The following GRIN2B variants were observed in gnomAD, a reference collection of about 807,000 sequenced individuals.
GRIN2B encodes glutamate ionotropic receptor NMDA type subunit 2B, also known as glutamate receptor ionotropic, NMDA 2B.
In GRIN2B, 5 loss-of-function variants were observed where a neutral mutation model predicts 114.5. The ratio of observed to expected loss-of-function variants is 0.04; its 90% confidence interval spans 0.02 to 0.09. GRIN2B has a LOEUF of 0.09. Ranked by LOEUF, GRIN2B falls within the 10% of genes least tolerant of loss-of-function variation. The pLI is 1.00. For missense variants in GRIN2B, 1,108 were observed against 1,943.5 expected, an observed-to-expected ratio of 0.57 and a Z score of 8.08; for synonymous variants, 787 against 745.1, an observed-to-expected ratio of 1.06 and a Z score of -0.92.
chr12:13,872,062 C>A, intron 2 of GRIN2B, among the ~76,000 whole-genome samples: 1 of 150,938 alleles, frequency 6.6e-6, no homozygotes. Flanking sequence ...TTAAGTATAT[C>A]AAACTTTTAA....
intron 4 of GRIN2B, among the ~76,000 whole-genome samples, chr12:13,729,983 ATTT>A (rs5796557): frequency 1.2e-4 from 17 of 142,450 alleles, no homozygotes; most frequent in Admixed American, 2.1e-4. Context: ...ATATACACCT[ATTT>A]TTTTTTTTTT....
chr12:13,687,152 T>C (rs968917383), intron 4 of GRIN2B, among the ~76,000 whole-genome samples: 2 of 152,278 alleles, frequency 1.3e-5, no homozygotes, highest in East Asian at 1.9e-4. Context: ...CTTTTTCCTT[T>C]ACAAATTACC....
intron 8 of GRIN2B, among the ~76,000 whole-genome samples, chr12:13,612,363 C>T (rs927676801): frequency 6.6e-6 from 1 of 152,208 alleles, no homozygotes; most frequent in Non-Finnish European, 1.5e-5. Flanking sequence ...GCCCCCTTTT[C>T]CCCTTGTATC....
chr12:13,712,307 C>G (rs1950421997), intron 4 of GRIN2B, among the ~76,000 whole-genome samples: 1 of 151,746 alleles, frequency 6.6e-6, no homozygotes. Flanking sequence ...TGCGGCACAC[C>G]AACATGGCAC....
rs1342008451 is a variant in GRIN2B, at chr12:13,540,106, T to A, written c.*22677A>T. 1 of 152,160 alleles carries A rather than the reference T, an allele frequency of 6.6e-6. No individual in the cohort carries two copies. Among genetic ancestry groups the A allele is most frequent in the Non-Finnish European group, 1.5e-5 (1 of 68,042 alleles). The allele number at this position is 152,160 out of a possible 1,614,324, so 9.4% of individuals were successfully genotyped here. On this transcript the variant is annotated 3_prime_UTR_variant, in exon 14 of 14. Transcript: ENST00000609686. ...ATCCCAACCCAAGTAGATTCGCCAG[T>A]CCAAGACTCCTACCAACAATTGGAA...
At chr12:13,593,549 G>A (rs1321024189) in intron 10 of GRIN2B, among the ~76,000 whole-genome samples, 1 of 152,150 alleles carries the variant, frequency 6.6e-6, no homozygotes. Context: ...ATTAACTCAA[G>A]ATGGCTTAAT....
At chr12:13,709,716 A>C (rs901330347) in intron 4 of GRIN2B, among the ~76,000 whole-genome samples, 1 of 151,928 alleles carries the variant, frequency 6.6e-6, no homozygotes, top group South Asian at 2.1e-4. Flanking sequence ...CCAGCTCTAA[A>C]ACGAAGTCCC....
At chr12:13,666,238 TG>T (rs1949974176) in intron 5 of GRIN2B, among the ~76,000 whole-genome samples, 1 of 152,178 alleles carries the variant, frequency 6.6e-6, no homozygotes, top group African/African-American at 2.4e-5. Flanking sequence ...ACCATTCCCC[TG>T]GCACAGATTT....
Position 13,954,865 on chromosome 12 carries a change from G to A in GRIN2B, c.-19+25063C>T, listed in dbSNP as rs73303055. Among the ~76,000 whole-genome samples, 577 of 118,016 alleles carry A rather than the reference G, an allele frequency of 4.9e-3. 8 individuals are homozygous for A. Among genetic ancestry groups the A allele is most frequent in the African/African-American group, 0.016 (521 of 33,066 alleles). The allele number at this position is 118,016 out of a possible 152,430, so 77.4% of individuals were successfully genotyped here. A position where few individuals can be genotyped will look rare whatever the true frequency, so the allele number is the denominator to read the frequency against. On this transcript the variant is annotated intron_variant, in intron 2 of 13. Coordinates refer to ENST00000609686, the MANE Select transcript of GRIN2B (RefSeq NM_000834.5). The stretch of plus-strand genomic sequence containing the variant: ...TTTGAAGGGACAAAAAAAATCTTAT[G>A]ACACAAAAGGAACATAATTTGTTGC...
chr12:13,735,313 G>A (rs982430031), intron 4 of GRIN2B, among the ~76,000 whole-genome samples: 1 of 152,208 alleles, frequency 6.6e-6, no homozygotes, highest in African/African-American at 2.4e-5. Flanking sequence ...CAGACATGAA[G>A]GTGATAGGTT....
chr12:13,741,033 TATTTA>T (rs1863274820), intron 4 of GRIN2B, among the ~76,000 whole-genome samples: 1 of 152,094 alleles, frequency 6.6e-6, no homozygotes, highest in Non-Finnish European at 1.5e-5. Flanking sequence ...GAAAGTAAAC[TATTTA>T]TTTATTTTAT....
intron 5 of GRIN2B, among the ~76,000 whole-genome samples, chr12:13,642,483 CAAG>C (rs914264152): frequency 6.6e-6 from 1 of 152,040 alleles, no homozygotes; most frequent in African/African-American, 2.4e-5. Context: ...CTTCCAGATC[CAAG>C]AAGCTATGAC....
chr12:13,976,477 C>T (rs919488540), intron 2 of GRIN2B, among the ~76,000 whole-genome samples: 4 of 152,166 alleles, frequency 2.6e-5, no homozygotes, highest in African/African-American at 7.2e-5. Flanking sequence ...CAACAAAATA[C>T]ACAAGATGAG....
chr12:13,969,960 C>A (rs1895055), intron 2 of GRIN2B, among the ~76,000 whole-genome samples: 61,334 of 152,074 alleles, frequency 0.4, 12,833 homozygotes, highest in East Asian at 0.58. Flanking sequence ...TCAAGCAATT[C>A]TCCTGCCTCA....
rs149185580 is a variant in GRIN2B, at chr12:13,656,485, A to G, written c.1125+19260T>C. Among the ~76,000 whole-genome samples, 15 of 152,368 alleles carry G rather than the reference A, an allele frequency of 9.8e-5. 1 individual carries two copies. In the East Asian group the frequency reaches 2.7e-3, roughly 27 times the overall value. On this transcript the variant is annotated intron_variant, in intron 5 of 13. Coordinates refer to ENST00000609686, the MANE Select transcript of GRIN2B (RefSeq NM_000834.5). Reference sequence around the variant, plus strand: ...AAGGAGACACAAATAAGTCAACTGCACAAAGCAAAGAGAGTCAAAGGTCTT... The same window carrying G: ...AAGGAGACACAAATAAGTCAACTGCGCAAAGCAAAGAGAGTCAAAGGTCTT...
chr12:13,927,966 CAA>C (rs57736516), intron 2 of GRIN2B, among the ~76,000 whole-genome samples: 1,279 of 37,642 alleles, frequency 0.034, 58 homozygotes, highest in African/African-American at 0.11. Context: ...GACCCTGTCT[CAA>C]AAAAAAAAAA....
chr12:13,696,902 C>T (rs10772701), intron 4 of GRIN2B, among the ~76,000 whole-genome samples: 47,946 of 152,020 alleles, frequency 0.32, 8,380 homozygotes, highest in East Asian at 0.66. Flanking sequence ...AGAGCTCCTA[C>T]CATGAAGCAG....
intron 2 of GRIN2B, among the ~76,000 whole-genome samples, chr12:13,970,686 A>AACACACAC (rs5796570): frequency 0.061 from 8,912 of 145,052 alleles, 373 homozygotes; most frequent in African/African-American, 0.1. Flanking sequence ...GCAGGCTCTA[A>AACACACAC]ACACACACAC....
chr12:13,578,150 C>G (rs1206647422), intron 10 of GRIN2B, among the ~76,000 whole-genome samples: 19 of 152,142 alleles, frequency 1.2e-4, no homozygotes, highest in Non-Finnish European at 2.8e-4. Context: ...AAACTCCCAG[C>G]CTCAAGCAAT....
Sources: gnomAD v4.1 joint callset for allele counts (sites outside exome capture counted in the v4.1 genomes callset) on GRCh38, gnomAD v4.1.1 for gene constraint, MANE v1.5 for transcripts, NCBI Gene and HGNC (gene_info 2026-07-23, HGNC 2026-07-21) for gene names.